ITGAE: variants seen among roughly 807,000 people sequenced by gnomAD.
ITGAE encodes the protein integrin subunit alpha E.
A neutral mutation model predicts 136.5 loss-of-function variants in ITGAE; 99 were observed. That is an observed-to-expected ratio of 0.73 (90% CI 0.62 to 0.86). The LOEUF is 0.86. ITGAE is among the 40% of genes least tolerant of loss of function. ITGAE has a pLI of 0.00. For missense variants in ITGAE, 1,447 were observed against 1,515.3 expected (o/e 0.95, Z 0.75); for synonymous variants, 613 against 591.8 (o/e 1.04, Z -0.52).
chr17:3,761,122 T>C lies in ITGAE; in HGVS notation c.489A>G (p.Lys163=). The part of the protein sequence containing the change: ...RVDTGDCYSN[K]EGGGEDDVNT... ...TCACATCGTCTTCTCCACCGCCTTC[T>C]TTGTTGCTGTAGCAGTCTCCAGTGT... Residue 163 remains lysine, a synonymous_variant, in exon 6 of 31, where the codon AAA becomes AAG. Transcript: ENST00000263087. 1 of 1,613,366 alleles carries C rather than the reference T, an allele frequency of 6.2e-7. No individual in the cohort carries two copies. The highest frequency in any genetic ancestry group is 1.7e-5 in the Admixed American group (1 of 59,990).
Position 3,794,042 on chromosome 17 carries a change from G to A in ITGAE, c.34+7069C>T, listed in dbSNP as rs150509412. On this transcript the variant is annotated intron_variant, in intron 1 of 30. Transcript: ENST00000263087. ...CGCCCAGGCTGGAGTGCAATGGCAC[G>A]ATCTCGGCTCATTGCAACCTCCGCC... Among the ~76,000 whole-genome samples the A allele has an allele frequency of 1.5e-3, 211 of 138,048 alleles. 2 individuals are homozygous for A. Among genetic ancestry groups the A allele is most frequent in the East Asian group, 0.014 (66 of 4,668 alleles). 90.6% of individuals were successfully genotyped at this position (138,048 alleles called of 152,430 possible).
At chr17:3,790,378 A>T (rs938617559) in intron 1 of ITGAE, among the ~76,000 whole-genome samples, 1 of 151,908 alleles carries the variant, frequency 6.6e-6, no homozygotes, top group African/African-American at 2.4e-5. Context: ...GTAGTGGCGC[A>T]TGCCTGTAGT....
chr17:3,780,012 T>C lies in ITGAE; in HGVS notation c.35-2352A>G, dbSNP rs560566219. On this transcript the variant is annotated intron_variant, in intron 1 of 30. Transcript: ENST00000263087. The stretch of plus-strand genomic sequence containing the variant: ...TTTTAAGATGGAGTTTCGCTCTTGT[T>C]GCCCAGGCTGGAGTGCAGTGGCACG... Among the ~76,000 whole-genome samples the C allele has an allele frequency of 5.3e-3, 805 of 152,206 alleles. 4 individuals carry two copies. The highest frequency in any genetic ancestry group is 8.0e-3 in the Non-Finnish European group (542 of 68,002).
intron 1 of ITGAE, among the ~76,000 whole-genome samples, chr17:3,785,549 A>C (rs7215768): frequency 0.087 from 12,957 of 149,456 alleles, 932 homozygotes; most frequent in African/African-American, 0.18. Context: ...GAAGGAAGGA[A>C]GGAAGGAAAA....
At chr17:3,719,819 C>G (rs2051014058) in intron 29 of ITGAE, among the ~76,000 whole-genome samples, 1 of 148,870 alleles carries the variant, frequency 6.7e-6, no homozygotes, top group African/African-American at 2.5e-5. Context: ...CCTCTGCCTC[C>G]CAGATTCAAG....
chr17:3,726,167 G>C (rs1388045088), intron 26 of ITGAE: 1 of 1,614,136 alleles, frequency 6.2e-7, no homozygotes, highest in East Asian at 2.2e-5. Flanking sequence ...ATGTGCTCTG[G>C]TTACATTACC....
chr17:3,716,953 G>GA, intron 29 of ITGAE, 155 bp from the exon 30 acceptor site: 2 of 581,108 alleles, frequency 3.4e-6, no homozygotes, highest in South Asian at 2.1e-5. Flanking sequence ...GATATTCCCT[G>GA]ATGCAGCATT....
chr17:3,797,143 ATATATATATATATATTTTT>A (rs1348296658), intron 1 of ITGAE, among the ~76,000 whole-genome samples: 3,650 of 40,818 alleles, frequency 0.089, 87 homozygotes, highest in Non-Finnish European at 0.11. Flanking sequence ...GAAACTAAAT[ATATATATATATATATTTTT>A]TTTTTTTTTT....
In ITGAE at chr17:3,729,541, C is replaced by T. The variant is rs1421855515; in HGVS notation, c.2849G>A (p.Arg950Gln). 7 of 1,600,342 alleles carry T rather than the reference C, an allele frequency of 4.4e-6. No homozygotes were observed. The highest frequency in any genetic ancestry group is 4.0e-5 in the African/African-American group (3 of 74,224). ...GGTGTGGGTCTCGTTGGCCAAAGAC[C>T]GTCTTTCATTGGAACTAGGAATAAG... The part of the protein sequence containing the change: ...TVTVTNSNER[R>Q]SLANETHTLQ... The change falls in exon 24 of 31, where the codon CGG (arginine) becomes CAG (glutamine). Residue 950 changes from arginine to glutamine, a missense_variant. By Grantham distance (43) the Arg-to-Gln change is conservative. Transcript: ENST00000263087.
intron 1 of ITGAE, among the ~76,000 whole-genome samples, chr17:3,796,742 C>T (rs1389104003): frequency 6.6e-6 from 1 of 152,206 alleles, no homozygotes. Context: ...TCCTGTCAGC[C>T]ACCACTGTCT....
intron 1 of ITGAE, chr17:3,784,338 A>G (rs1219541612): frequency 8.7e-6 from 3 of 345,412 alleles, no homozygotes; most frequent in Non-Finnish European, 5.5e-6. Context: ...TATGAACAAC[A>G]TAATTAGCAA....
chr17:3,761,777 T>A (rs2052176451), intron 4 of ITGAE, 138 bp downstream of exon 4: 3 of 781,198 alleles, frequency 3.8e-6, no homozygotes, highest in Admixed American at 4.9e-5. Flanking sequence ...CAGTCAGCCC[T>A]GGGGTTGGCA....
intron 10 of ITGAE, among the ~76,000 whole-genome samples, chr17:3,756,715 T>G (rs1480705780): frequency 6.6e-6 from 1 of 152,154 alleles, no homozygotes; most frequent in African/African-American, 2.4e-5. Context: ...CCAGCTACTT[T>G]TTGTTTTAGT....
intron 14 of ITGAE, among the ~76,000 whole-genome samples, chr17:3,752,146 C>T (rs2051888026): frequency 6.6e-6 from 1 of 152,164 alleles, no homozygotes; most frequent in African/African-American, 2.4e-5. Flanking sequence ...GCTCACTGGC[C>T]AGGGACCTTC....
chr17:3,737,895 G>C (rs192852803), intron 20 of ITGAE, among the ~76,000 whole-genome samples: 1 of 152,288 alleles, frequency 6.6e-6, no homozygotes, highest in Admixed American at 6.5e-5. Flanking sequence ...GGCAAGCCAT[G>C]CGTGCTGTAT....
At chr17:3,763,031 T>C (rs1021614803) in intron 3 of ITGAE, among the ~76,000 whole-genome samples, 10 of 152,114 alleles carry the variant, frequency 6.6e-5, no homozygotes, top group African/African-American at 2.2e-4. Flanking sequence ...TAGCTGGGAT[T>C]GTAGGCATGC....
chr17:3,732,522 C>T (rs182507726), intron 21 of ITGAE, 56 bp from the exon 22 acceptor site: 42 of 1,467,780 alleles, frequency 2.9e-5, no homozygotes, highest in Admixed American at 2.0e-4. Context: ...AAAACAAAAA[C>T]GTGGTTTCCT....
At chr17:3,726,448 C>A in intron 26 of ITGAE, 1 of 694,694 alleles carries the variant, frequency 1.4e-6, no homozygotes, top group Non-Finnish European at 2.5e-6. Flanking sequence ...GGTTTCCAGT[C>A]AGCTTTTCAA....
At chr17:3,777,308 GA>G (rs1362804340) in intron 2 of ITGAE, among the ~76,000 whole-genome samples, 1 of 152,252 alleles carries the variant, frequency 6.6e-6, no homozygotes, top group Non-Finnish European at 1.5e-5. Flanking sequence ...ATGGAGCAGG[GA>G]GAGGCCCAGT....
Sources: gnomAD v4.1 joint callset for allele counts (sites outside exome capture counted in the v4.1 genomes callset) on GRCh38, gnomAD v4.1.1 for gene constraint, MANE v1.5 for transcripts, NCBI Gene and HGNC (gene_info 2026-07-23, HGNC 2026-07-21) for gene names.